Variants in EPS15 observed in about 807,000 individuals in gnomAD.
EPS15 encodes the protein epidermal growth factor receptor substrate 15.
Under a neutral mutation model 113.8 loss-of-function variants are expected in EPS15, and 72 were observed. That is an observed-to-expected ratio of 0.63 (90% CI 0.52 to 0.77). EPS15 has a LOEUF of 0.77. EPS15 is among the 30% of genes least tolerant of loss of function. The pLI is 0.00. For synonymous variants in EPS15, 344 were observed against 363.4 expected (o/e 0.95, Z 0.61); for missense variants, 1,048 against 1,045.8 (o/e 1.00, Z -0.03).
At chr1:51,441,366 T>C (rs1447558403) in intron 11 of EPS15, among the ~76,000 whole-genome samples, 1 of 152,090 alleles carries the variant, frequency 6.6e-6, no homozygotes, top group African/African-American at 2.4e-5. Context: ...CCCAGATAGC[T>C]AGCTGAAGTC....
At position 51,476,034 on chromosome 1, in the gene EPS15, G is replaced by A. The variant is rs141927843; in HGVS notation, c.76-3086C>T. 1.1e-3 allele frequency among the ~76,000 whole-genome samples: 164 copies of A among 152,194 alleles called. 1 individual carries two copies. The highest frequency in any genetic ancestry group is 3.9e-3 in the African/African-American group (162 of 41,530). On this transcript the variant is annotated intron_variant, in intron 2 of 24. Transcript: ENST00000371733. Reference sequence around the variant, plus strand: ...CTGAGGGCTCTGCTCTGTTCCATTGGTCTATATCTCTGTTTTGGTACTAGT... The same window carrying A: ...CTGAGGGCTCTGCTCTGTTCCATTGATCTATATCTCTGTTTTGGTACTAGT...
chr1:51,368,951 C>T (rs1358936169), intron 21 of EPS15, among the ~76,000 whole-genome samples: 1 of 151,900 alleles, frequency 6.6e-6, no homozygotes, highest in Non-Finnish European at 1.5e-5. Flanking sequence ...GGTGAAGATG[C>T]TCTCCCTGAC....
At chr1:51,393,699 A>G (rs1301075822) in intron 21 of EPS15, among the ~76,000 whole-genome samples, 3 of 152,214 alleles carry the variant, frequency 2.0e-5, no homozygotes, top group Non-Finnish European at 2.9e-5. Flanking sequence ...CCCAAATGAT[A>G]GCTGGTCTGT....
chr1:51,394,500 A>C, intron 20 of EPS15, 53 bp from the exon 21 acceptor site: 1 of 1,059,224 alleles, frequency 9.4e-7, no homozygotes. Context: ...TCACAGCTGA[A>C]ACCTCATCAC....
At chr1:51,479,498 C>T (rs908385632) in intron 2 of EPS15, among the ~76,000 whole-genome samples, 5 of 152,180 alleles carry the variant, frequency 3.3e-5, no homozygotes, top group Non-Finnish European at 5.9e-5. Context: ...TGTTCCATTG[C>T]TGGCGAGGAG....
At chr1:51,508,189 A>AAAAGAAAAGG (rs1644532078) in intron 1 of EPS15, among the ~76,000 whole-genome samples, 1 of 38,902 alleles carries the variant, frequency 2.6e-5, no homozygotes, top group Non-Finnish European at 7.5e-5. Flanking sequence ...ACAAAAAGAG[A>AAAAGAAAAGG]AAAGAAAAGA....
At chr1:51,492,895 G>T (rs1644260059) in intron 1 of EPS15, among the ~76,000 whole-genome samples, 1 of 152,208 alleles carries the variant, frequency 6.6e-6, no homozygotes, top group African/African-American at 2.4e-5. Context: ...CTCACCAGCA[G>T]CTTGTCCACA....
At chr1:51,443,981 G>A (rs1035042688) in intron 11 of EPS15, among the ~76,000 whole-genome samples, 1 of 151,920 alleles carries the variant, frequency 6.6e-6, no homozygotes, top group South Asian at 2.1e-4. Flanking sequence ...TTTAAAATGG[G>A]ATTTTTAAGA....
intron 2 of EPS15, among the ~76,000 whole-genome samples, chr1:51,476,664 A>AT (rs1291731480): frequency 1.8e-4 from 28 of 152,016 alleles, no homozygotes; most frequent in African/African-American, 5.1e-4. Context: ...GGATTCATTG[A>AT]TTTTTTGAAG....
chr1:51,519,084 C>T (rs1644791897), intron 1 of EPS15, 115 bp downstream of exon 1: 1 of 673,262 alleles, frequency 1.5e-6, no homozygotes, highest in Non-Finnish European at 2.3e-6. Flanking sequence ...GCCGCCCGGC[C>T]CACAAGCCAA....
intron 21 of EPS15, among the ~76,000 whole-genome samples, chr1:51,370,627 T>G (rs1398994594): frequency 6.6e-6 from 1 of 151,650 alleles, no homozygotes. Flanking sequence ...TTAGGCTGTT[T>G]TTTTTTTTTT....
chr1:51,513,148 T>C (rs1277763829), intron 1 of EPS15, among the ~76,000 whole-genome samples: 1 of 152,204 alleles, frequency 6.6e-6, no homozygotes, highest in African/African-American at 2.4e-5. Context: ...GCAGTATCTA[T>C]GCAGATTAAA....
At chr1:51,418,711 T>C (rs11205843) in intron 13 of EPS15, among the ~76,000 whole-genome samples, 9,533 of 152,166 alleles carry the variant, frequency 0.063, 522 homozygotes, top group African/African-American at 0.15. Flanking sequence ...AGTAAGAACA[T>C]TTACTGAACA....
chr1:51,376,754 G>A (rs1406718889), intron 21 of EPS15, among the ~76,000 whole-genome samples: 1 of 152,226 alleles, frequency 6.6e-6, no homozygotes, highest in African/African-American at 2.4e-5. Flanking sequence ...ATAAGGAGAT[G>A]AATGTTGTTT....
intron 2 of EPS15, among the ~76,000 whole-genome samples, chr1:51,474,467 T>A (rs1570382642): frequency 6.6e-6 from 1 of 152,200 alleles, no homozygotes; most frequent in African/African-American, 2.4e-5. Flanking sequence ...ATGTACTTCA[T>A]AAAAGCAGAC....
At chr1:51,519,146 T>G in intron 1 of EPS15, 53 bp downstream of exon 1, 4 of 1,303,956 alleles carry the variant, frequency 3.1e-6, no homozygotes, top group Admixed American at 2.9e-5. Flanking sequence ...CTGAGGGCGG[T>G]GGGGGAGGGG....
intron 11 of EPS15, among the ~76,000 whole-genome samples, chr1:51,443,588 T>A (rs1346816192): frequency 6.6e-6 from 1 of 152,082 alleles, no homozygotes; most frequent in Non-Finnish European, 1.5e-5. Context: ...TAACTCTCCA[T>A]ACCTGGTAGC....
intron 14 of EPS15, 50 bp from the exon 15 acceptor site, chr1:51,408,382 TC>T (rs763343488): frequency 7.2e-7 from 1 of 1,380,122 alleles, no homozygotes; most frequent in Non-Finnish European, 1.0e-6. Flanking sequence ...AGAAGAGATG[TC>T]ATTAAAATGT....
At chr1:51,378,692 G>A (rs903826665) in intron 21 of EPS15, among the ~76,000 whole-genome samples, 1 of 152,074 alleles carries the variant, frequency 6.6e-6, no homozygotes, top group African/African-American at 2.4e-5. Flanking sequence ...TATAATTAAC[G>A]AGATGTAGTT....
Sources: allele counts gnomAD v4.1 joint callset (sites outside exome capture counted in the v4.1 genomes callset), GRCh38; gene constraint gnomAD v4.1.1; transcripts MANE v1.5; gene names NCBI Gene and HGNC (gene_info 2026-07-23, HGNC 2026-07-21).